The following UNC13B variants were observed in gnomAD, a reference collection of about 807,000 sequenced individuals.
UNC13B encodes unc-13 homolog B.
UNC13B carries 144 observed loss-of-function variants against 211.0 expected under a neutral mutation model. That is an observed-to-expected ratio of 0.68 (90% CI 0.60 to 0.78). The LOEUF is 0.78. Ranked by LOEUF, UNC13B falls within the 30% of genes least tolerant of loss-of-function variation. The pLI is 0.00. For missense variants in UNC13B, 1,777 were observed against 2,002.0 expected (o/e 0.89, Z 2.14); for synonymous variants, 709 against 725.8 (o/e 0.98, Z 0.37).
chr9:35,312,608 G>T (rs553516402), intron 10 of UNC13B, among the ~76,000 whole-genome samples: 2 of 152,328 alleles, frequency 1.3e-5, no homozygotes, highest in African/African-American at 4.8e-5. Context: ...ACCTTGGCCA[G>T]AAGTGCCCAC....
rs1193647751 is a variant in UNC13B at position 35,371,171 on chromosome 9, T to G, written c.9540+775T>G. 2.6e-5 allele frequency among the ~76,000 whole-genome samples: 4 copies of G among 152,116 alleles called. No homozygotes were observed. The South Asian group carries it at 6.2e-4, about 24-fold the overall frequency. On this transcript the variant is annotated intron_variant, in intron 13 of 39. Transcript: ENST00000635942. ...TGTTTTCTTTTTTCTCTCTATTCTA[T>G]CTATTGTTTTTCCTAACCACCCCTC...
intron 20 of UNC13B, 122 bp from the exon 21 acceptor site, chr9:35,382,235 C>G: frequency 7.5e-7 from 1 of 1,334,760 alleles, no homozygotes; most frequent in Non-Finnish European, 1.0e-6. Context: ...TAGCCCTAGG[C>G]AAGAGAGGGC....
At chr9:35,263,470 A>G (rs1827396473) in intron 7 of UNC13B, among the ~76,000 whole-genome samples, 1 of 152,118 alleles carries the variant, frequency 6.6e-6, no homozygotes, top group South Asian at 2.1e-4. Context: ...CACCTATATG[A>G]AAACTTGGCC....
At chr9:35,314,721 A>G (rs1375731651) in intron 11 of UNC13B, among the ~76,000 whole-genome samples, 4 of 151,842 alleles carry the variant, frequency 2.6e-5, no homozygotes, top group Non-Finnish European at 5.9e-5. Context: ...TCCAGTGTCT[A>G]TTATTCCACA....
At position 35,381,692 on chromosome 9, in the gene UNC13B, G is replaced by A; in HGVS notation, c.10628G>A (p.Gly3543Asp). 3.1e-6 allele frequency: 5 copies of A among 1,614,144 alleles called. No individual in the cohort carries two copies. Among genetic ancestry groups the A allele is most frequent in the Non-Finnish European group, 3.4e-6 (4 of 1,180,014 alleles). The stretch of plus-strand genomic sequence containing the variant: ...GTGGATGAATTTGCCATGCGTTATG[G>A]CATTGAGTCCATATATCAGGCCATG... ...EIVDEFAMRY[G>D]IESIYQAMTH... The change falls in exon 20 of 40, where the codon GGC becomes GAC. Residue 3543 changes from glycine to aspartate, a missense_variant. By Grantham distance (94) the Gly-to-Asp change is moderately conservative (BLOSUM62 -1). Transcript: ENST00000635942.
intron 6 of UNC13B, among the ~76,000 whole-genome samples, chr9:35,243,653 T>C (rs1344464314): frequency 6.6e-6 from 1 of 152,136 alleles, no homozygotes; most frequent in African/African-American, 2.4e-5. Flanking sequence ...CACCTGTGAG[T>C]TGGAGGCATT....
At chr9:35,291,238 A>G in intron 7 of UNC13B, 2 of 872,584 alleles carry the variant, frequency 2.3e-6, no homozygotes, top group East Asian at 2.7e-5. Flanking sequence ...ATATCGGGAG[A>G]CAATGACCTG....
chr9:35,297,527 T>C (rs548747185), intron 8 of UNC13B, among the ~76,000 whole-genome samples: 22 of 151,492 alleles, frequency 1.5e-4, no homozygotes, highest in Non-Finnish European at 2.4e-4. Flanking sequence ...TCACATGCAT[T>C]CAGGAAGCAC....
chr9:35,395,543 C>T (rs1007277799), intron 26 of UNC13B, among the ~76,000 whole-genome samples: 6 of 152,230 alleles, frequency 3.9e-5, no homozygotes, highest in African/African-American at 1.4e-4. Context: ...AGGACAGTGG[C>T]CTTCTCTTCT....
chr9:35,247,147 C>T (rs553611927), intron 6 of UNC13B, among the ~76,000 whole-genome samples: 102 of 152,202 alleles, frequency 6.7e-4, no homozygotes, highest in Non-Finnish European at 1.4e-3. Context: ...TGATTTGGCT[C>T]TCTGTTTGTC....
intron 37 of UNC13B, among the ~76,000 whole-genome samples, chr9:35,401,730 C>G (rs999440153): frequency 8.5e-5 from 13 of 152,314 alleles, no homozygotes; most frequent in African/African-American, 3.1e-4. Flanking sequence ...ACTGTTTCTG[C>G]CCATGATTTG....
At chr9:35,256,764 C>T (rs1313875755) in intron 6 of UNC13B, among the ~76,000 whole-genome samples, 4 of 152,128 alleles carry the variant, frequency 2.6e-5, no homozygotes, top group African/African-American at 9.7e-5. Flanking sequence ...ATTACACACA[C>T]TTATTTAATA....
At chr9:35,312,249 G>A (rs1320149650) in intron 10 of UNC13B, among the ~76,000 whole-genome samples, 1 of 152,230 alleles carries the variant, frequency 6.6e-6, no homozygotes, top group Non-Finnish European at 1.5e-5. Flanking sequence ...GTAAAAATTA[G>A]GGAGTGACTG....
At chr9:35,210,765 C>A (rs1823923302) in intron 1 of UNC13B, among the ~76,000 whole-genome samples, 1 of 152,200 alleles carries the variant, frequency 6.6e-6, no homozygotes, top group East Asian at 1.9e-4. Context: ...CTCAAGTGAT[C>A]TGCCCACACC....
At chr9:35,314,093 T>A in intron 11 of UNC13B, 104 bp downstream of exon 11, 1 of 943,362 alleles carries the variant, frequency 1.1e-6, no homozygotes, top group Non-Finnish European at 1.7e-6. Context: ...TCTTACAGTG[T>A]GCTTCTGGGA....
intron 1 of UNC13B, among the ~76,000 whole-genome samples, chr9:35,222,340 T>G (rs993172104): frequency 6.6e-6 from 1 of 152,240 alleles, no homozygotes; most frequent in Non-Finnish European, 1.5e-5. Context: ...CCTCAGTGTT[T>G]ATAGTTTTTA....
Position 35,402,093 on chromosome 9 carries a change from G to T in UNC13B, c.12485-1074G>T, listed in dbSNP as rs769349198. ...AGAATGAGCAACTCGTGCTGGGGGT[G>T]GGGGAACAAGCTGTCAAGGTTTAGG... On this transcript the variant is annotated intron_variant, in intron 37 of 39. Coordinates refer to ENST00000635942, the MANE Select transcript of UNC13B (RefSeq NM_001371189.2). The T allele has an allele frequency of 5.4e-4, 698 of 1,295,874 alleles. 1 individual carries two copies. The highest frequency in any genetic ancestry group is 7.3e-4 in the Non-Finnish European group (670 of 920,768). The allele number at this position is 1,295,874 out of a possible 1,614,324, so 80.3% of individuals were successfully genotyped here.
At chr9:35,342,806 A>G (rs1832088888) in intron 11 of UNC13B, among the ~76,000 whole-genome samples, 1 of 152,058 alleles carries the variant, frequency 6.6e-6, no homozygotes, top group African/African-American at 2.4e-5. Flanking sequence ...CCATCCCTTC[A>G]TCTCCTATGT....
At chr9:35,263,160 A>G (rs1040499308) in intron 7 of UNC13B, among the ~76,000 whole-genome samples, 1 of 152,192 alleles carries the variant, frequency 6.6e-6, no homozygotes, top group East Asian at 1.9e-4. Context: ...ATTTATCCTC[A>G]GTCATCACAG....
Sources: allele counts gnomAD v4.1 joint callset (sites outside exome capture counted in the v4.1 genomes callset), GRCh38; gene constraint gnomAD v4.1.1; transcripts MANE v1.5; gene names NCBI Gene and HGNC (gene_info 2026-07-23, HGNC 2026-07-21).